Variants in DYNC1I1 observed in about 807,000 individuals in gnomAD.
DYNC1I1 encodes the protein cytoplasmic dynein 1 intermediate chain 1.
DYNC1I1 carries 43 observed loss-of-function variants against 86.6 expected under a neutral mutation model. The observed-to-expected ratio is 0.50, with a 90% CI of 0.39 to 0.64. The LOEUF (loss-of-function observed/expected upper bound fraction) is 0.64. Among genes scored for constraint, DYNC1I1 ranks in the 30% least tolerant of loss-of-function variants. The pLI is 0.00. For missense variants in DYNC1I1, 604 were observed against 788.8 expected, an observed-to-expected ratio of 0.77 and a Z score of 2.81; for synonymous variants, 262 against 283.7, an observed-to-expected ratio of 0.92 and a Z score of 0.77.
chr7:96,056,552 C>A (rs1392394834), intron 14 of DYNC1I1, among the ~76,000 whole-genome samples: 1 of 152,034 alleles, frequency 6.6e-6, no homozygotes, highest in Non-Finnish European at 1.5e-5. Context: ...CTACATAATC[C>A]TTTTAGATAA....
chr7:96,088,645 C>A (rs897165789), intron 16 of DYNC1I1, among the ~76,000 whole-genome samples: 2 of 152,132 alleles, frequency 1.3e-5, no homozygotes, highest in Non-Finnish European at 2.9e-5. Context: ...ATCTGTGAAT[C>A]GAGATTAACC....
chr7:95,933,485 A>C (rs552750320), intron 6 of DYNC1I1, among the ~76,000 whole-genome samples: 1 of 152,352 alleles, frequency 6.6e-6, no homozygotes, highest in South Asian at 2.1e-4. Flanking sequence ...AATTGTAAGG[A>C]AATAATTTTG....
chr7:96,001,044 C>A (rs1339919485), intron 10 of DYNC1I1, among the ~76,000 whole-genome samples: 2 of 152,150 alleles, frequency 1.3e-5, no homozygotes, highest in Non-Finnish European at 2.9e-5. Flanking sequence ...CAAAAACTAG[C>A]CTCTTACTAG....
intron 6 of DYNC1I1, among the ~76,000 whole-genome samples, chr7:95,950,728 G>A (rs1294592219): frequency 1.3e-5 from 2 of 152,114 alleles, no homozygotes; most frequent in African/African-American, 4.8e-5. Context: ...GTTGGGAAAT[G>A]GGCAACTCCA....
At chr7:96,044,057 T>C (rs1789136369) in intron 14 of DYNC1I1, among the ~76,000 whole-genome samples, 1 of 152,170 alleles carries the variant, frequency 6.6e-6, no homozygotes, top group Non-Finnish European at 1.5e-5. Context: ...GGGATGCATA[T>C]TGAAATACAG....
intron 14 of DYNC1I1, 42 bp downstream of exon 14, chr7:96,039,463 G>A (rs1788970783): frequency 6.2e-7 from 1 of 1,611,702 alleles, no homozygotes; most frequent in Non-Finnish European, 8.5e-7. Flanking sequence ...ATACATAAGG[G>A]CAGAGGATGG....
At chr7:96,047,355 T>C (rs139485017) in intron 14 of DYNC1I1, among the ~76,000 whole-genome samples, 142 of 152,286 alleles carry the variant, frequency 9.3e-4, no homozygotes, top group African/African-American at 3.2e-3. Flanking sequence ...ATGACAGTGA[T>C]CCATCATTTA....
Position 95,804,760 on chromosome 7 carries a change from C to A in DYNC1I1, c.31C>A (p.Leu11Ile). 6.2e-7 allele frequency: 1 copy of A among 1,602,120 alleles called. No individual in the cohort carries two copies. The change falls in exon 2 of 17, where the codon CTA (leucine) becomes ATA (isoleucine). Residue 11 changes from leucine to isoleucine, a missense_variant. Leu to Ile is a conservative substitution (Grantham distance 5). Transcript: ENST00000447467. ...TGACAAAAGTGACTTAAAAGCTGAGCTAGAGCGCAAAAAGCAGCGCTTAGC... is the reference window on the plus strand; with the variant it reads ...TGACAAAAGTGACTTAAAAGCTGAGATAGAGCGCAAAAAGCAGCGCTTAGC... MSDKSDLKAE[L>I]ERKKQRLAQI...
At chr7:96,066,556 G>C (rs1201268127) in intron 14 of DYNC1I1, among the ~76,000 whole-genome samples, 1 of 152,160 alleles carries the variant, frequency 6.6e-6, no homozygotes. Context: ...TCTTCAGATG[G>C]TAAAAACCTG....
intron 7 of DYNC1I1, among the ~76,000 whole-genome samples, chr7:95,981,394 C>T (rs989564228): frequency 2.0e-5 from 3 of 152,006 alleles, no homozygotes; most frequent in African/African-American, 7.2e-5. Context: ...GAAAAATTAA[C>T]ATTTCTACAA....
chr7:96,047,308 G>A (rs1789248332), intron 14 of DYNC1I1, among the ~76,000 whole-genome samples: 1 of 152,158 alleles, frequency 6.6e-6, no homozygotes, highest in African/African-American at 2.4e-5. Context: ...GCGTAATACT[G>A]AAGCTCAGGG....
intron 6 of DYNC1I1, among the ~76,000 whole-genome samples, chr7:95,918,856 G>A (rs2116369265): frequency 6.6e-6 from 1 of 152,176 alleles, no homozygotes; most frequent in African/African-American, 2.4e-5. Context: ...ATTATCATTT[G>A]GGGAACAACC....
intron 7 of DYNC1I1, among the ~76,000 whole-genome samples, chr7:95,984,207 T>C (rs1476935959): frequency 6.6e-6 from 1 of 152,194 alleles, no homozygotes; most frequent in Non-Finnish European, 1.5e-5. Context: ...AAGCATGTAT[T>C]TGTTCCATGT....
chr7:95,838,895 T>G (rs1345400633), intron 5 of DYNC1I1, among the ~76,000 whole-genome samples: 1 of 152,214 alleles, frequency 6.6e-6, no homozygotes, highest in Non-Finnish European at 1.5e-5. Context: ...GTTTCCTACG[T>G]ACAAGGTCAT....
intron 1 of DYNC1I1, among the ~76,000 whole-genome samples, chr7:95,803,039 A>G (rs555756512): frequency 2.6e-5 from 4 of 152,202 alleles, no homozygotes; most frequent in Non-Finnish European, 5.9e-5. Context: ...GAACTTGTAC[A>G]CTGGGTATCA....
intron 5 of DYNC1I1, among the ~76,000 whole-genome samples, chr7:95,844,251 G>T (rs1387659329): frequency 6.6e-6 from 1 of 152,056 alleles, no homozygotes; most frequent in Non-Finnish European, 1.5e-5. Context: ...TTTCCTTTAC[G>T]TATTAGTATA....
At chr7:95,859,983 C>T (rs929786928) in intron 5 of DYNC1I1, among the ~76,000 whole-genome samples, 32 of 152,182 alleles carry the variant, frequency 2.1e-4, no homozygotes, top group Non-Finnish European at 5.9e-5. Flanking sequence ...AAAACTGTCC[C>T]TTTTGCCCTC....
At position 96,097,467 on chromosome 7, in the gene DYNC1I1, T is replaced by C. The variant is rs1239517673; in HGVS notation, c.1777-16T>C. ...AGATATCTTGTTCATCATTTCTCCA[T>C]TGATTTGCTTTGCAGCTTGCAGTTC... On this transcript the variant is annotated splice_polypyrimidine_tract_variant and intron_variant, in intron 16 of 16. Transcript: ENST00000447467. 6 of 1,613,270 alleles carry C rather than the reference T, an allele frequency of 3.7e-6. No individual in the cohort carries two copies. Among genetic ancestry groups the C allele is most frequent in the Non-Finnish European group, 5.1e-6 (6 of 1,179,408 alleles).
chr7:95,879,449 T>C (rs1790393876), intron 6 of DYNC1I1, among the ~76,000 whole-genome samples: 2 of 152,142 alleles, frequency 1.3e-5, no homozygotes, highest in East Asian at 1.9e-4. Flanking sequence ...AAGAGTCTTA[T>C]ATTTTGGGGA....
Sources: gnomAD v4.1 joint callset for allele counts (sites outside exome capture counted in the v4.1 genomes callset) on GRCh38, gnomAD v4.1.1 for gene constraint, MANE v1.5 for transcripts, NCBI Gene and HGNC (gene_info 2026-07-23, HGNC 2026-07-21) for gene names.